SMIM36: variants seen among roughly 807,000 people sequenced by gnomAD.
SMIM36 encodes small integral membrane protein 36.
intron 4 of SMIM36, among the ~76,000 whole-genome samples, chr17:55,455,825 CA>C (rs934914226): frequency 7.3e-5 from 11 of 150,678 alleles, no homozygotes; most frequent in African/African-American, 1.2e-4. Context: ...CAAACAAAAA[CA>C]AAAAAAACAT....
chr17:55,486,014 G>A (rs1019447346), intron 1 of SMIM36, among the ~76,000 whole-genome samples: 7 of 134,416 alleles, frequency 5.2e-5, no homozygotes, highest in African/African-American at 2.0e-4. Context: ...GAAAGAAAGA[G>A]CTTTCTTTTT....
the SMIM36 span, among the ~76,000 whole-genome samples, chr17:55,528,572 G>A: frequency 7.1e-6 from 1 of 141,838 alleles, no homozygotes; most frequent in South Asian, 2.3e-4. Flanking sequence ...TTTTTTTTGA[G>A]TTGGAGTCTC....
intron 4 of SMIM36, among the ~76,000 whole-genome samples, chr17:55,466,554 C>T (rs771392478): frequency 1.3e-5 from 2 of 152,162 alleles, no homozygotes; most frequent in African/African-American, 4.8e-5. Context: ...TATTCCTTTC[C>T]TCTTGGAGTT....
At chr17:55,514,066 C>A (rs924339990), upstream of SMIM36, among the ~76,000 whole-genome samples, 2 of 152,194 alleles carry the variant, frequency 1.3e-5, no homozygotes, top group Admixed American at 1.3e-4. Flanking sequence ...CACTTCCTTG[C>A]AATGTCTTCG....
At chr17:55,459,413 T>C (rs1326161891) in intron 4 of SMIM36, among the ~76,000 whole-genome samples, 1 of 152,178 alleles carries the variant, frequency 6.6e-6, no homozygotes, top group African/African-American at 2.4e-5. Context: ...ATTTGGTATA[T>C]GTCCAATATG....
At chr17:55,485,138 T>C (rs115258549) in intron 1 of SMIM36, among the ~76,000 whole-genome samples, 87 of 152,306 alleles carry the variant, frequency 5.7e-4, no homozygotes, top group African/African-American at 2.0e-3. Flanking sequence ...TTTAAAATAT[T>C]TTATTAAAGG....
At chr17:55,473,237 C>A (rs576772449) in intron 3 of SMIM36, among the ~76,000 whole-genome samples, 136 of 152,326 alleles carry the variant, frequency 8.9e-4, no homozygotes, top group Non-Finnish European at 1.6e-3. Context: ...CCTCTCAATG[C>A]TCTGTCTGCC....
intron 4 of SMIM36, among the ~76,000 whole-genome samples, chr17:55,465,163 A>G (rs1419949785): frequency 6.6e-6 from 1 of 152,202 alleles, no homozygotes; most frequent in Non-Finnish European, 1.5e-5. Flanking sequence ...TGAATGAGCA[A>G]TATTAAAATT....
the SMIM36 span, among the ~76,000 whole-genome samples, chr17:55,526,152 A>T: frequency 6.6e-6 from 1 of 150,922 alleles, no homozygotes; most frequent in African/African-American, 2.4e-5. Context: ...ATTAATTATG[A>T]TTATTATTTG....
intron 4 of SMIM36, among the ~76,000 whole-genome samples, chr17:55,464,058 T>G (rs931341059): frequency 1.3e-5 from 2 of 151,796 alleles, no homozygotes; most frequent in Non-Finnish European, 2.9e-5. Context: ...GAGGTTGCAG[T>G]GATCTGAGAT....
intron 1 of SMIM36, among the ~76,000 whole-genome samples, chr17:55,501,168 C>A (rs1163123728): frequency 0.36 from 784 of 2,176 alleles, 14 homozygotes; most frequent in Middle Eastern, 0.5. Flanking sequence ...TATAATATAT[C>A]TTATATATTA....
chr17:55,452,041 A>G (rs1374677424), intron 4 of SMIM36, among the ~76,000 whole-genome samples: 1 of 145,028 alleles, frequency 6.9e-6, no homozygotes, highest in Non-Finnish European at 1.5e-5. Context: ...TTGAGGCTGC[A>G]GTAAGCTATG....
exon 1 of SMIM36, chr17:55,510,990 A>G (rs1910170517): frequency 2.5e-6 from 1 of 397,582 alleles, no homozygotes; most frequent in East Asian, 3.6e-5. Flanking sequence ...TGGAGCCACG[A>G]TAGGGAGCAG....
intron 4 of SMIM36, among the ~76,000 whole-genome samples, chr17:55,463,182 A>G (rs1909175207): frequency 6.6e-6 from 1 of 152,134 alleles, no homozygotes; most frequent in Non-Finnish European, 1.5e-5. Context: ...CTCAATATAT[A>G]CTATTATTTT....
intron 1 of SMIM36, among the ~76,000 whole-genome samples, chr17:55,496,714 T>A (rs1553676): frequency 1.3e-5 from 2 of 151,980 alleles, no homozygotes; most frequent in East Asian, 3.9e-4. Flanking sequence ...TTATTTTGCA[T>A]TCCCCAAAAG....
the SMIM36 span, among the ~76,000 whole-genome samples, chr17:55,522,744 G>T: frequency 6.6e-6 from 1 of 152,054 alleles, no homozygotes; most frequent in Non-Finnish European, 1.5e-5. Flanking sequence ...CCTTTATTCT[G>T]CTTATTTTCT....
the SMIM36 span, among the ~76,000 whole-genome samples, chr17:55,529,453 T>C: frequency 2.6e-5 from 4 of 152,076 alleles, no homozygotes; most frequent in African/African-American, 7.2e-5. Context: ...TGAAATGCCC[T>C]CTATACAAAA....
At chr17:55,520,839 T>C in the SMIM36 span, among the ~76,000 whole-genome samples, 1 of 152,126 alleles carries the variant, frequency 6.6e-6, no homozygotes, top group Non-Finnish European at 1.5e-5. Context: ...TTAACAAAAA[T>C]TATCTTGACC....
intron 4 of SMIM36, among the ~76,000 whole-genome samples, chr17:55,451,611 C>T (rs1247360173): frequency 2.6e-5 from 4 of 152,174 alleles, no homozygotes; most frequent in African/African-American, 9.7e-5. Flanking sequence ...GAGAAAGATA[C>T]ACCCTCTTTG....
Sources: gnomAD v4.1 joint callset for allele counts (sites outside exome capture counted in the v4.1 genomes callset) on GRCh38, gnomAD v4.1.1 for gene constraint, MANE v1.5 for transcripts, NCBI Gene and HGNC (gene_info 2026-07-23, HGNC 2026-07-21) for gene names.